Variants in NUP205 observed in about 807,000 individuals in gnomAD.
NUP205 encodes the protein nucleoporin 205, also known as nuclear pore complex protein Nup205.
A neutral mutation model predicts 253.8 loss-of-function variants in NUP205; 76 were observed. The observed-to-expected ratio is 0.30, with a 90% CI of 0.25 to 0.36. The LOEUF is 0.36. NUP205 is among the 10% of genes least tolerant of loss of function. The probability of loss-of-function intolerance (pLI) is 1.00; values close to 1 mark genes in which losing one functional copy is unlikely to be tolerated. For missense variants in NUP205, 2,162 were observed against 2,425.5 expected, an observed-to-expected ratio of 0.89 and a Z score of 2.28; for synonymous variants, 832 against 850.1, an observed-to-expected ratio of 0.98 and a Z score of 0.37.
At position 135,645,459 on chromosome 7, in the gene NUP205, C is replaced by G; in HGVS notation, c.5684-9C>G. 1 of 1,611,332 alleles carries G rather than the reference C, an allele frequency of 6.2e-7. No individual in the cohort carries two copies. The highest frequency in any genetic ancestry group is 8.5e-7 in the Non-Finnish European group (1 of 1,179,152). ...AGATTATGTTCCTTTAATCTGAGCT[C>G]TGGTATAGTTATCATAGAGACCTGC... On this transcript the variant is annotated splice_polypyrimidine_tract_variant and intron_variant, in intron 40 of 42. Coordinates refer to ENST00000285968, the MANE Select transcript of NUP205 (RefSeq NM_015135.3).
At chr7:135,636,720 C>CA in intron 36 of NUP205, among the ~76,000 whole-genome samples, 1 of 152,256 alleles carries the variant, frequency 6.6e-6, no homozygotes, top group Non-Finnish European at 1.5e-5. Flanking sequence ...TCGAAACTTA[C>CA]AGTGGCCGGG....
At chr7:135,567,623 T>C (rs1194114789) in intron 1 of NUP205, among the ~76,000 whole-genome samples, 10 of 151,550 alleles carry the variant, frequency 6.6e-5, no homozygotes, top group Non-Finnish European at 1.3e-4. Context: ...AAAAAAAATG[T>C]TTTTAAATTA....
intron 1 of NUP205, among the ~76,000 whole-genome samples, chr7:135,567,140 A>ATATC (rs1805795659): frequency 7.2e-5 from 3 of 41,468 alleles, no homozygotes; most frequent in Non-Finnish European, 1.2e-4. Flanking sequence ...ATATATATAT[A>ATATC]TATATATATA....
chr7:135,644,119 A>G (rs1293838803), intron 39 of NUP205, among the ~76,000 whole-genome samples: 1 of 152,176 alleles, frequency 6.6e-6, no homozygotes, highest in Non-Finnish European at 1.5e-5. Flanking sequence ...TGTTCTACCT[A>G]ACACCCGGGC....
chr7:135,605,191 G>T (rs1168198994), intron 19 of NUP205, among the ~76,000 whole-genome samples: 1 of 151,944 alleles, frequency 6.6e-6, no homozygotes, highest in Non-Finnish European at 1.5e-5. Context: ...CGCCCAGCTA[G>T]TTTTTTTGTA....
At chr7:135,569,778 T>C (rs1805892533) in intron 1 of NUP205, among the ~76,000 whole-genome samples, 1 of 152,178 alleles carries the variant, frequency 6.6e-6, no homozygotes, top group South Asian at 2.1e-4. Flanking sequence ...TTTATAAAAG[T>C]ATTCTGTATT....
intron 28 of NUP205, among the ~76,000 whole-genome samples, 189 bp from the exon 29 acceptor site, chr7:135,619,234 C>A (rs1325352569): frequency 1.3e-5 from 2 of 151,336 alleles, no homozygotes; most frequent in African/African-American, 4.9e-5. Flanking sequence ...GTCACAGTTG[C>A]GGGAGGCTGA....
At chr7:135,563,572 G>C (rs1364879858) in intron 1 of NUP205, among the ~76,000 whole-genome samples, 9 of 152,142 alleles carry the variant, frequency 5.9e-5, no homozygotes, top group Admixed American at 5.2e-4. Flanking sequence ...TGGTGAATGA[G>C]TGAGTAAATG....
At chr7:135,624,809 A>G (rs1275703752) in intron 31 of NUP205, among the ~76,000 whole-genome samples, 1 of 152,112 alleles carries the variant, frequency 6.6e-6, no homozygotes, top group Non-Finnish European at 1.5e-5. Context: ...GTTTTCTGTA[A>G]TGAGCATTAT....
At chr7:135,593,215 A>G (rs373224326) in intron 12 of NUP205, 23 bp downstream of exon 12, 9 of 1,602,314 alleles carry the variant, frequency 5.6e-6, no homozygotes, top group African/African-American at 5.4e-5. Flanking sequence ...TCCCCAGCAT[A>G]ATTTTATTTT....
At chr7:135,638,518 C>T in intron 37 of NUP205, 39 bp from the exon 38 acceptor site, 1 of 1,592,434 alleles carries the variant, frequency 6.3e-7, no homozygotes. Flanking sequence ...TGAGACATTT[C>T]AGGGTCTTAA....
At chr7:135,642,354 A>AT (rs370739472) in intron 38 of NUP205, among the ~76,000 whole-genome samples, 5,808 of 149,426 alleles carry the variant, frequency 0.039, 149 homozygotes, top group Non-Finnish European at 0.062. Flanking sequence ...CTCTAGGATG[A>AT]TTTTTTTTTT....
At chr7:135,585,339 C>A (rs937521221) in intron 8 of NUP205, among the ~76,000 whole-genome samples, 7 of 152,008 alleles carry the variant, frequency 4.6e-5, no homozygotes, top group Admixed American at 6.6e-5. Flanking sequence ...GGAAATAAGT[C>A]CTCTTAACTG....
At chr7:135,560,094 G>A (rs1455497536) in intron 1 of NUP205, among the ~76,000 whole-genome samples, 1 of 151,998 alleles carries the variant, frequency 6.6e-6, no homozygotes, top group African/African-American at 2.4e-5. Context: ...TCCTGACCCC[G>A]TGATTCACTC....
intron 1 of NUP205, among the ~76,000 whole-genome samples, chr7:135,558,683 G>T (rs1382215059): frequency 6.6e-6 from 1 of 152,184 alleles, no homozygotes; most frequent in African/African-American, 2.4e-5. Context: ...CATTTTGATT[G>T]TCATATTTCC....
intron 22 of NUP205, among the ~76,000 whole-genome samples, chr7:135,613,085 CAA>C (rs373671230): frequency 5.2e-5 from 7 of 134,746 alleles, no homozygotes; most frequent in Admixed American, 1.5e-4. Flanking sequence ...GACCCTGACT[CAA>C]AAAAAAAAAA....
rs754646549 is a variant in NUP205 at position 135,646,142 on chromosome 7, G to GT, written c.5813-9dup. 7.5e-6 allele frequency: 12 copies of GT among 1,597,970 alleles called. No homozygotes were observed. Among genetic ancestry groups the GT allele is most frequent in the African/African-American group, 1.3e-5 (1 of 74,558 alleles). On this transcript the variant is annotated splice_polypyrimidine_tract_variant and intron_variant, in intron 41 of 42. Coordinates refer to ENST00000285968, the MANE Select transcript of NUP205 (RefSeq NM_015135.3). ...GTACTTGCACAGCCGGTATGACTCT[G>GT]TTTTTTTATCTCTAGATTCCTTCGC...
Position 135,619,491 on chromosome 7 carries a change from T to C in NUP205, c.4032T>C (p.Ala1344=). ...VVAGAVFTLT[A]HLSQAVLTEQ... is the part of the protein sequence containing the mutation. ...CCGGGGCAGTGTTCACACTGACTGC[T>C]CACCTAAGCCAGGCCGTCCTCACTG... Residue 1344 remains alanine (A), a synonymous_variant, in exon 29 of 43, where the codon GCT becomes GCC. Transcript: ENST00000285968. 6.2e-7 allele frequency: 1 copy of C among 1,614,048 alleles called. No individual in the cohort carries two copies. Among genetic ancestry groups the C allele is most frequent in the Non-Finnish European group, 8.5e-7 (1 of 1,180,028 alleles).
intron 22 of NUP205, among the ~76,000 whole-genome samples, chr7:135,610,569 T>G (rs988115337): frequency 6.6e-6 from 1 of 151,700 alleles, no homozygotes; most frequent in African/African-American, 2.4e-5. Context: ...CAGGGACCAG[T>G]ATCATCAGCA....
Sources: allele counts gnomAD v4.1 joint callset (sites outside exome capture counted in the v4.1 genomes callset), GRCh38; gene constraint gnomAD v4.1.1; transcripts MANE v1.5; gene names NCBI Gene and HGNC (gene_info 2026-07-23, HGNC 2026-07-21).